ZNF385D: variants seen among roughly 807,000 people sequenced by gnomAD.
The protein encoded by ZNF385D is zinc finger protein 659.
A neutral mutation model predicts 35.8 loss-of-function variants in ZNF385D; 15 were observed. That is an observed-to-expected ratio of 0.42 (90% CI 0.28 to 0.64). The LOEUF (loss-of-function observed/expected upper bound fraction) is 0.64, where lower values mean the gene tolerates loss of function less well. ZNF385D is among the 30% of genes least tolerant of loss of function. The pLI is 0.23. For synonymous variants in ZNF385D, 212 were observed against 186.8 expected (o/e 1.13, Z -1.10); for missense variants, 474 against 494.6 (o/e 0.96, Z 0.39).
At chr3:21,775,869 G>T (rs933610071) in intron 3 of ZNF385D, among the ~76,000 whole-genome samples, 2 of 151,488 alleles carry the variant, frequency 1.3e-5, no homozygotes, top group African/African-American at 4.8e-5. Flanking sequence ...ATTAAGACAT[G>T]CTCTTTTTTA....
intron 3 of ZNF385D, among the ~76,000 whole-genome samples, chr3:21,810,518 A>G (rs1239370337): frequency 6.6e-6 from 1 of 152,144 alleles, no homozygotes; most frequent in Non-Finnish European, 1.5e-5. Flanking sequence ...AACTTAAAGT[A>G]TAATAAAAAA....
chr3:21,928,292 A>G (rs1700838489), intron 3 of ZNF385D, among the ~76,000 whole-genome samples: 1 of 132,500 alleles, frequency 7.5e-6, no homozygotes, highest in African/African-American at 2.8e-5. Context: ...GAAGGAAGGA[A>G]GGAGGGAGGA....
At chr3:22,319,946 T>G (rs1289944729) in intron 2 of ZNF385D, among the ~76,000 whole-genome samples, 2 of 152,168 alleles carry the variant, frequency 1.3e-5, no homozygotes, top group Non-Finnish European at 2.9e-5. Flanking sequence ...ATCTTACTAT[T>G]TATTATTTTG....
intron 3 of ZNF385D, among the ~76,000 whole-genome samples, chr3:21,940,300 C>A (rs1228925394): frequency 6.6e-6 from 1 of 152,088 alleles, no homozygotes; most frequent in African/African-American, 2.4e-5. Context: ...GTGGATTTGA[C>A]ACCAGTTCAC....
chr3:22,116,843 T>A (rs1467125837), intron 3 of ZNF385D, among the ~76,000 whole-genome samples: 2 of 152,060 alleles, frequency 1.3e-5, no homozygotes, highest in Non-Finnish European at 2.9e-5. Flanking sequence ...GATAAGCTCT[T>A]TATAGAAATT....
At chr3:21,978,774 G>C (rs1229045528) in intron 3 of ZNF385D, among the ~76,000 whole-genome samples, 1 of 151,978 alleles carries the variant, frequency 6.6e-6, no homozygotes, top group Non-Finnish European at 1.5e-5. Flanking sequence ...CGGGGAGCAA[G>C]GCTAGATGGC....
chr3:21,968,847 A>T (rs1703067967), intron 3 of ZNF385D, among the ~76,000 whole-genome samples: 1 of 152,212 alleles, frequency 6.6e-6, no homozygotes. Flanking sequence ...GGAGAAAAAA[A>T]GTAAAGAGGA....
chr3:21,610,945 C>T (rs890945633), intron 2 of ZNF385D, among the ~76,000 whole-genome samples: 44 of 152,262 alleles, frequency 2.9e-4, no homozygotes, highest in Admixed American at 1.4e-3. Flanking sequence ...CATTCAGTTT[C>T]CCGTGGACTG....
At chr3:22,271,358 T>G (rs1040099305) in intron 2 of ZNF385D, among the ~76,000 whole-genome samples, 1 of 152,010 alleles carries the variant, frequency 6.6e-6, no homozygotes, top group Non-Finnish European at 1.5e-5. Context: ...CTATACAGAC[T>G]TTTTTATTCA....
At chr3:21,995,825 T>A (rs750938367) in intron 3 of ZNF385D, among the ~76,000 whole-genome samples, 17 of 151,968 alleles carry the variant, frequency 1.1e-4, no homozygotes, top group Non-Finnish European at 1.9e-4. Context: ...GCTGTCAGTG[T>A]CAGCATCGCC....
intron 2 of ZNF385D, among the ~76,000 whole-genome samples, chr3:22,216,504 T>TAG (rs1470358229): frequency 6.6e-6 from 1 of 151,880 alleles, no homozygotes. Flanking sequence ...AGTGAGGAGG[T>TAG]AGAGGTTTCA....
At chr3:21,554,186 A>G (rs2062656923) in intron 3 of ZNF385D, among the ~76,000 whole-genome samples, 1 of 152,216 alleles carries the variant, frequency 6.6e-6, no homozygotes, top group South Asian at 2.1e-4. Flanking sequence ...TTTCTTAAAT[A>G]ATAAGAGTGG....
intron 2 of ZNF385D, among the ~76,000 whole-genome samples, chr3:22,355,686 A>G (rs1035331062): frequency 3.3e-5 from 5 of 152,014 alleles, no homozygotes; most frequent in Non-Finnish European, 7.4e-5. Context: ...AAACTTCTAA[A>G]AATCAACGTA....
At chr3:22,326,306 G>C (rs1005484509) in intron 2 of ZNF385D, among the ~76,000 whole-genome samples, 1 of 152,178 alleles carries the variant, frequency 6.6e-6, no homozygotes, top group African/African-American at 2.4e-5. Context: ...AGAGGTAAGG[G>C]AGAAAATTCC....
chr3:21,448,386 C>T (rs1179544850), intron 4 of ZNF385D, among the ~76,000 whole-genome samples: 6 of 152,084 alleles, frequency 3.9e-5, no homozygotes, highest in Non-Finnish European at 7.4e-5. Flanking sequence ...TCACTCAAAA[C>T]AGCAATGTAT....
At position 21,869,746 on chromosome 3, in the gene ZNF385D, G is replaced by A. The variant is rs1212584514; in HGVS notation, c.326-204718C>T. Among the ~76,000 whole-genome samples, 8 of 152,060 alleles carry A rather than the reference G, an allele frequency of 5.3e-5. 1 individual carries two copies. In the East Asian group the frequency reaches 1.4e-3, roughly 26 times the overall value. ...TTAATTAGTTAATGCCACCTATTTG[G>A]AGTACAGATTAGAATCTTATACTAT... On this transcript the variant is annotated intron_variant, in intron 3 of 5. Coordinates refer to the ZNF385D transcript ENST00000494108.
At chr3:21,510,090 T>G (rs1707088368) in intron 4 of ZNF385D, among the ~76,000 whole-genome samples, 1 of 152,180 alleles carries the variant, frequency 6.6e-6, no homozygotes, top group African/African-American at 2.4e-5. Flanking sequence ...ACAGTCTCTG[T>G]GTTCTAGAAA....
chr3:21,464,903 G>A (rs1046643197), intron 4 of ZNF385D, among the ~76,000 whole-genome samples: 1 of 151,750 alleles, frequency 6.6e-6, no homozygotes, highest in African/African-American at 2.4e-5. Context: ...CACATTACAC[G>A]GCCTACTCTC....
chr3:21,909,457 T>G lies in ZNF385D; in HGVS notation c.326-244429A>C, dbSNP rs542449014. ...GAGAAGCCTGTTCTCTCAGCTTATG[T>G]GCAGGTGGGAATCATTAATGGTAAC... On this transcript the variant is annotated intron_variant, in intron 3 of 5. Coordinates refer to the ZNF385D transcript ENST00000494108. Among the ~76,000 whole-genome samples the G allele has an allele frequency of 2.0e-5, 3 of 152,228 alleles. No individual in the cohort carries two copies. In the East Asian group the frequency reaches 5.8e-4, roughly 29 times the overall value.
Sources: gnomAD v4.1 joint callset for allele counts (sites outside exome capture counted in the v4.1 genomes callset) on GRCh38, gnomAD v4.1.1 for gene constraint, MANE v1.5 for transcripts, NCBI Gene and HGNC (gene_info 2026-07-23, HGNC 2026-07-21) for gene names.